The following NFIB variants were observed in gnomAD, a reference collection of about 807,000 sequenced individuals.
The protein encoded by NFIB is nuclear factor I B, also known as nuclear factor 1 B-type.
NFIB carries 11 observed loss-of-function variants against 61.5 expected under a neutral mutation model. That is an observed-to-expected ratio of 0.18 (90% confidence interval 0.11 to 0.30). The LOEUF (loss-of-function observed/expected upper bound fraction) is 0.30, where lower values mean the gene tolerates loss of function less well. Ranked by LOEUF, NFIB falls within the 10% of genes least tolerant of loss-of-function variation. NFIB has a pLI of 1.00. For synonymous variants in NFIB, 260 were observed against 216.5 expected, an observed-to-expected ratio of 1.20 and a Z score of -1.76; for missense variants, 471 against 608.9, an observed-to-expected ratio of 0.77 and a Z score of 2.38.
chr9:14,339,167 A>T (rs571240618), intron 1 of NFIB, among the ~76,000 whole-genome samples: 2 of 152,354 alleles, frequency 1.3e-5, no homozygotes, highest in East Asian at 3.9e-4. Flanking sequence ...AAAGCCTAGA[A>T]GAACTGAATC....
intron 1 of NFIB, among the ~76,000 whole-genome samples, chr9:14,334,425 A>G (rs2060859778): frequency 6.6e-6 from 1 of 152,242 alleles, no homozygotes; most frequent in Non-Finnish European, 1.5e-5. Flanking sequence ...TGCATTTTTC[A>G]AATGACTGAT....
chr9:14,147,236 A>G (rs946916957), intron 5 of NFIB, among the ~76,000 whole-genome samples: 2 of 152,158 alleles, frequency 1.3e-5, no homozygotes, highest in Non-Finnish European at 2.9e-5. Flanking sequence ...AAAGTAAAAC[A>G]AGAGCTTTGG....
the NFIB span, among the ~76,000 whole-genome samples, chr9:14,425,090 C>T: frequency 2.0e-5 from 3 of 152,154 alleles, no homozygotes; most frequent in African/African-American, 7.2e-5. Context: ...GCATGGACAG[C>T]CAAAATAAGT....
chr9:14,216,682 T>A (rs1280911323), intron 2 of NFIB, among the ~76,000 whole-genome samples: 2 of 152,050 alleles, frequency 1.3e-5, no homozygotes, highest in Non-Finnish European at 2.9e-5. Context: ...AGGACTCATG[T>A]CACCACAGTC....
chr9:14,436,278 A>G, the NFIB span, among the ~76,000 whole-genome samples: 1 of 152,246 alleles, frequency 6.6e-6, no homozygotes, highest in Non-Finnish European at 1.5e-5. Context: ...TGGAAAGCAG[A>G]GAGCTGGAAA....
intron 1 of NFIB, among the ~76,000 whole-genome samples, chr9:14,384,497 T>C (rs952287044): frequency 5.3e-5 from 8 of 152,208 alleles, no homozygotes; most frequent in African/African-American, 1.9e-4. Flanking sequence ...GCTTTTATTT[T>C]TCTCCTTTCC....
chr9:14,425,451 C>A, the NFIB span, among the ~76,000 whole-genome samples: 1 of 152,112 alleles, frequency 6.6e-6, no homozygotes, highest in Admixed American at 6.5e-5. Context: ...GTGAGCCCTG[C>A]TGCTTGCCCA....
At chr9:14,494,373 T>G in the NFIB span, among the ~76,000 whole-genome samples, 1 of 152,202 alleles carries the variant, frequency 6.6e-6, no homozygotes, top group South Asian at 2.1e-4. Context: ...CCCCTTTTGG[T>G]TCTCTATTGT....
the NFIB span, among the ~76,000 whole-genome samples, chr9:14,486,314 G>C: frequency 6.6e-6 from 1 of 152,130 alleles, no homozygotes; most frequent in African/African-American, 2.4e-5. Context: ...TGAAACATTA[G>C]GAGGAAGAGA....
At chr9:14,286,717 T>C (rs1411942305) in intron 2 of NFIB, among the ~76,000 whole-genome samples, 3 of 152,162 alleles carry the variant, frequency 2.0e-5, no homozygotes, top group Non-Finnish European at 2.9e-5. Context: ...CTTCTCTATA[T>C]TGCAATTTTA....
Position 14,375,395 on chromosome 9 carries a change from T to C in NFIB, c.108+23129A>G, listed in dbSNP as rs76916327. ...GGACAGGGCCAGGTGCAGTGGCTCA[T>C]GCCTGTAATCCCAGCACTTTGGGAG... On this transcript the variant is annotated intron_variant, in intron 1 of 8. Coordinates refer to the NFIB transcript ENST00000380934. Among the ~76,000 whole-genome samples the C allele has an allele frequency of 3.0e-3, 463 of 152,268 alleles. 1 individual carries two copies. The highest frequency in any genetic ancestry group is 0.01 in the Middle Eastern group (3 of 294).
intron 2 of NFIB, among the ~76,000 whole-genome samples, chr9:14,190,165 G>A (rs1162291095): frequency 2.0e-5 from 3 of 152,054 alleles, no homozygotes; most frequent in African/African-American, 4.8e-5. Context: ...GAAGAAACTG[G>A]ATGGGTTTTT....
intron 2 of NFIB, among the ~76,000 whole-genome samples, chr9:14,276,312 C>T (rs1047634479): frequency 2.6e-5 from 4 of 152,052 alleles, no homozygotes; most frequent in African/African-American, 9.7e-5. Context: ...AATATCTTAT[C>T]CAATTGAAAT....
intron 2 of NFIB, among the ~76,000 whole-genome samples, chr9:14,197,759 G>C (rs185109295): frequency 1.4e-4 from 22 of 152,276 alleles, no homozygotes; most frequent in African/African-American, 4.8e-4. Flanking sequence ...CCCTGAGGCT[G>C]CAGCGCTTTA....
At chr9:14,427,934 G>GTT in the NFIB span, among the ~76,000 whole-genome samples, 18 of 25,940 alleles carry the variant, frequency 6.9e-4, 1 homozygote, top group Non-Finnish European at 1.2e-3. Flanking sequence ...CTTTAATTCA[G>GTT]TTGTTTTTTT....
intron 6 of NFIB, among the ~76,000 whole-genome samples, chr9:14,141,629 C>A: frequency 6.6e-6 from 1 of 151,952 alleles, no homozygotes; most frequent in East Asian, 1.9e-4. Flanking sequence ...ATAAAAATTC[C>A]TCCAATATAA....
At chr9:14,474,678 C>T in the NFIB span, among the ~76,000 whole-genome samples, 43 of 152,200 alleles carry the variant, frequency 2.8e-4, no homozygotes, top group African/African-American at 9.6e-4. Context: ...TTAAACAAAA[C>T]GAGTTATGCA....
intron 1 of NFIB, among the ~76,000 whole-genome samples, chr9:14,386,122 G>A (rs1017933785): frequency 6.6e-6 from 1 of 152,130 alleles, no homozygotes; most frequent in African/African-American, 2.4e-5. Context: ...ATCATTAGAT[G>A]AAATCTAGTC....
At chr9:14,419,215 T>C in the NFIB span, among the ~76,000 whole-genome samples, 3 of 149,950 alleles carry the variant, frequency 2.0e-5, no homozygotes, top group Non-Finnish European at 4.4e-5. Flanking sequence ...AAGATTTTTT[T>C]CCCTCAACAT....
Sources: allele counts gnomAD v4.1 joint callset (sites outside exome capture counted in the v4.1 genomes callset), GRCh38; gene constraint gnomAD v4.1.1; transcripts MANE v1.5; gene names NCBI Gene and HGNC (gene_info 2026-07-23, HGNC 2026-07-21).